The following SEMA3D variants were observed in gnomAD, a reference collection of about 807,000 sequenced individuals.
SEMA3D encodes semaphorin-3D.
In SEMA3D, 84 loss-of-function variants were observed where a neutral mutation model predicts 100.1. The ratio of observed to expected loss-of-function variants is 0.84; its 90% CI spans 0.70 to 1.01. The LOEUF is 1.01. Ranked by LOEUF, SEMA3D falls within the 50% of genes least tolerant of loss-of-function variation. SEMA3D has a pLI of 0.00. For synonymous variants in SEMA3D, 312 were observed against 320.7 expected (o/e 0.97, Z 0.29); for missense variants, 875 against 934.1 (o/e 0.94, Z 0.82).
chr7:85,037,597 G>T (rs1790737087), intron 11 of SEMA3D, among the ~76,000 whole-genome samples: 1 of 151,984 alleles, frequency 6.6e-6, no homozygotes, highest in African/African-American at 2.4e-5. Flanking sequence ...ATATTTATAT[G>T]ATTTTTATTA....
intron 8 of SEMA3D, among the ~76,000 whole-genome samples, chr7:85,060,085 G>C (rs1459207096): frequency 6.6e-6 from 1 of 152,126 alleles, no homozygotes; most frequent in African/African-American, 2.4e-5. Context: ...GCCATAGACA[G>C]TCTTATTCTG....
chr7:85,224,539 T>C, the SEMA3D span, among the ~76,000 whole-genome samples: 1 of 152,182 alleles, frequency 6.6e-6, no homozygotes, highest in Admixed American at 6.6e-5. Flanking sequence ...AAAAAAGTTG[T>C]GTAAAATGAA....
At chr7:85,118,258 G>A (rs970498025) in intron 3 of SEMA3D, among the ~76,000 whole-genome samples, 20 of 151,730 alleles carry the variant, frequency 1.3e-4, no homozygotes, top group Non-Finnish European at 2.2e-4. Context: ...TTTTGATATC[G>A]TTTTCTTTTA....
the SEMA3D span, among the ~76,000 whole-genome samples, chr7:85,231,692 C>T: frequency 3.3e-5 from 5 of 152,054 alleles, no homozygotes; most frequent in Admixed American, 6.6e-5. Context: ...CTTTGTGATC[C>T]GCCCCCCTCA....
At chr7:85,089,536 T>G (rs540570629) in intron 4 of SEMA3D, among the ~76,000 whole-genome samples, 1 of 152,182 alleles carries the variant, frequency 6.6e-6, no homozygotes, top group Non-Finnish European at 1.5e-5. Flanking sequence ...TTTTTCACTA[T>G]ATTCTCAGCA....
intron 8 of SEMA3D, among the ~76,000 whole-genome samples, chr7:85,058,316 C>T (rs1432256307): frequency 6.6e-6 from 1 of 152,118 alleles, no homozygotes; most frequent in Non-Finnish European, 1.5e-5. Flanking sequence ...CATTCAATGT[C>T]TTCCCCAACC....
Position 85,073,032 on chromosome 7 carries a change from TGA to T in SEMA3D, c.423_424del (p.Tyr144CysfsTer15), listed in dbSNP as rs1175309706. 9 of 1,611,442 alleles carry T rather than the reference TGA, an allele frequency of 5.6e-6. No homozygotes were observed. Among genetic ancestry groups the T allele is most frequent in the Non-Finnish European group, 7.6e-6 (9 of 1,177,956 alleles). On this transcript the variant is annotated frameshift_variant, in exon 6 of 19. Coordinates refer to ENST00000284136, the MANE Select transcript of SEMA3D (RefSeq NM_001384900.1). LOFTEE classifies it high-confidence loss of function. The stretch of plus-strand genomic sequence containing the variant: ...TGCTCCAGTTCCACACACATATATG[TGA>T]GTTTTGTTATAGGGCTGAAGTACTC...
chr7:85,047,093 G>T (rs1460633392), intron 9 of SEMA3D, among the ~76,000 whole-genome samples: 2 of 151,630 alleles, frequency 1.3e-5, no homozygotes, highest in Non-Finnish European at 2.9e-5. Flanking sequence ...AGTACAGAGG[G>T]TGCCTGTTTT....
At chr7:85,015,287 ATATCAC>A in intron 15 of SEMA3D, 71 bp from the exon 16 acceptor site, 1 of 1,385,720 alleles carries the variant, frequency 7.2e-7, no homozygotes, top group Non-Finnish European at 1.0e-6. Flanking sequence ...CTTTTCTTGA[ATATCAC>A]ATAATACATA....
chr7:85,195,242 T>C, the SEMA3D span, among the ~76,000 whole-genome samples: 1 of 152,116 alleles, frequency 6.6e-6, no homozygotes, highest in East Asian at 1.9e-4. Flanking sequence ...TAGGTTCCTT[T>C]GGTTAAATGA....
At chr7:85,190,284 T>C (rs1791667930), upstream of SEMA3D, among the ~76,000 whole-genome samples, 1 of 152,196 alleles carries the variant, frequency 6.6e-6, no homozygotes, top group South Asian at 2.1e-4. Flanking sequence ...GCATGTCATT[T>C]TAATGTTTAC....
intron 2 of SEMA3D, chr7:85,142,310 C>A (rs982728105): frequency 4.1e-6 from 4 of 976,934 alleles, no homozygotes; most frequent in Non-Finnish European, 4.9e-6. Flanking sequence ...TTATCTACAC[C>A]CTCAGTGTCA....
At chr7:85,239,034 T>C in the SEMA3D span, among the ~76,000 whole-genome samples, 17 of 152,218 alleles carry the variant, frequency 1.1e-4, no homozygotes, top group Admixed American at 1.0e-3. Context: ...AATTATTTAT[T>C]GCATTCTCGT....
intron 18 of SEMA3D, among the ~76,000 whole-genome samples, chr7:85,004,552 G>A (rs928430347): frequency 1.1e-4 from 17 of 152,098 alleles, no homozygotes; most frequent in South Asian, 8.3e-4. Flanking sequence ...ATGACCTCCC[G>A]TACAGCACCC....
chr7:85,174,522 C>A (rs1791174705), intron 1 of SEMA3D, among the ~76,000 whole-genome samples: 1 of 152,146 alleles, frequency 6.6e-6, no homozygotes, highest in Non-Finnish European at 1.5e-5. Flanking sequence ...GTATTAGAAA[C>A]TGCACTTATT....
chr7:85,170,301 G>A (rs1791050470), intron 1 of SEMA3D, among the ~76,000 whole-genome samples: 1 of 151,830 alleles, frequency 6.6e-6, no homozygotes, highest in Non-Finnish European at 1.5e-5. Flanking sequence ...GTCTGAAACA[G>A]TCATCTTCCT....
At chr7:85,102,300 G>T (rs539006542) in intron 3 of SEMA3D, among the ~76,000 whole-genome samples, 8 of 152,084 alleles carry the variant, frequency 5.3e-5, no homozygotes, top group Middle Eastern at 3.4e-3. Context: ...ACTCCAGGTT[G>T]CACGTACATA....
chr7:85,108,904 A>G (rs1461498746), intron 3 of SEMA3D, among the ~76,000 whole-genome samples: 1 of 151,860 alleles, frequency 6.6e-6, no homozygotes, highest in African/African-American at 2.4e-5. Context: ...TTTCATACAA[A>G]GAAGTGAAGT....
intron 16 of SEMA3D, among the ~76,000 whole-genome samples, chr7:85,013,408 G>A (rs958632958): frequency 1.3e-5 from 2 of 151,574 alleles, no homozygotes; most frequent in African/African-American, 4.8e-5. Flanking sequence ...CTGATGAGTA[G>A]CTCAAATTGT....
Sources: gnomAD v4.1 joint callset for allele counts (sites outside exome capture counted in the v4.1 genomes callset) on GRCh38, gnomAD v4.1.1 for gene constraint, MANE v1.5 for transcripts, NCBI Gene and HGNC (gene_info 2026-07-23, HGNC 2026-07-21) for gene names.